CCSER2: variants seen among roughly 807,000 people sequenced by gnomAD.
CCSER2 encodes serine-rich coiled-coil domain-containing protein 2.
A neutral mutation model predicts 92.3 loss-of-function variants in CCSER2; 46 were observed. The observed-to-expected ratio is 0.50, with a 90% CI of 0.39 to 0.64. The LOEUF is 0.64. Among genes scored for constraint, CCSER2 ranks in the 30% least tolerant of loss-of-function variants. The probability of loss-of-function intolerance (pLI) is 0.00; values close to 1 mark genes in which losing one functional copy is unlikely to be tolerated. For synonymous variants in CCSER2, 433 were observed against 431.4 expected (o/e 1.00, Z -0.04); for missense variants, 1,244 against 1,238.9 (o/e 1.00, Z -0.06).
At chr10:84,449,962 A>G (rs1165563572) in intron 6 of CCSER2, among the ~76,000 whole-genome samples, 3 of 152,280 alleles carry the variant, frequency 2.0e-5, no homozygotes, top group South Asian at 2.1e-4. Context: ...TAAGCATAGT[A>G]TGCTGATGTT....
At chr10:84,481,902 A>G (rs1247484569) in intron 9 of CCSER2, among the ~76,000 whole-genome samples, 1 of 152,158 alleles carries the variant, frequency 6.6e-6, no homozygotes, top group African/African-American at 2.4e-5. Context: ...TGTGCTGTCC[A>G]TTGTAGTAGC....
At chr10:84,413,849 T>G (rs1842769015) in intron 3 of CCSER2, among the ~76,000 whole-genome samples, 2 of 152,208 alleles carry the variant, frequency 1.3e-5, no homozygotes, top group Non-Finnish European at 2.9e-5. Context: ...CATATATATT[T>G]AATAAGATAG....
At chr10:84,455,996 A>G in intron 6 of CCSER2, 3 of 555,274 alleles carry the variant, frequency 5.4e-6, no homozygotes, top group South Asian at 4.8e-5. Context: ...CTTTCCTAGT[A>G]GCCTTCTCCA....
At chr10:84,367,241 A>G (rs1845820709) in intron 1 of CCSER2, among the ~76,000 whole-genome samples, 2 of 151,022 alleles carry the variant, frequency 1.3e-5, no homozygotes, top group African/African-American at 4.9e-5. Flanking sequence ...TTTTAGGGAT[A>G]TTTTCTATTA....
At chr10:84,333,866 G>A (rs1044756313) in intron 1 of CCSER2, among the ~76,000 whole-genome samples, 3 of 152,218 alleles carry the variant, frequency 2.0e-5, no homozygotes, top group Non-Finnish European at 4.4e-5. Flanking sequence ...CTTTCACAGC[G>A]TTGACTGTGA....
chr10:84,357,873 G>A (rs990861820), intron 1 of CCSER2, among the ~76,000 whole-genome samples: 10 of 152,226 alleles, frequency 6.6e-5, no homozygotes, highest in Non-Finnish European at 1.3e-4. Context: ...CATAATGGAT[G>A]TTCAGTAAAT....
chr10:84,419,670 A>T (rs1043291774), intron 4 of CCSER2, among the ~76,000 whole-genome samples: 1 of 152,222 alleles, frequency 6.6e-6, no homozygotes, highest in Non-Finnish European at 1.5e-5. Flanking sequence ...GCTCTGGCAA[A>T]CAGCTGAGTT....
At chr10:84,406,565 C>T (rs2133340909) in intron 3 of CCSER2, among the ~76,000 whole-genome samples, 1 of 152,270 alleles carries the variant, frequency 6.6e-6, no homozygotes, top group East Asian at 1.9e-4. Flanking sequence ...TAAACCTGCT[C>T]ATATGTGCTC....
chr10:84,362,134 C>T (rs939308044), intron 1 of CCSER2, among the ~76,000 whole-genome samples: 8 of 152,108 alleles, frequency 5.3e-5, no homozygotes, highest in African/African-American at 1.7e-4. Flanking sequence ...TAATGTTACT[C>T]CTGTTACTGT....
At chr10:84,409,619 C>G (rs554740730) in intron 3 of CCSER2, among the ~76,000 whole-genome samples, 1 of 151,220 alleles carries the variant, frequency 6.6e-6, no homozygotes, top group Non-Finnish European at 1.5e-5. Context: ...TTCTTTAACA[C>G]AGAACTATGT....
At chr10:84,508,532 A>AT (rs1849185527) in intron 9 of CCSER2, among the ~76,000 whole-genome samples, 1 of 152,204 alleles carries the variant, frequency 6.6e-6, no homozygotes, top group Non-Finnish European at 1.5e-5. Context: ...GATCAGCCTG[A>AT]TTGTAAAAGC....
intron 8 of CCSER2, among the ~76,000 whole-genome samples, chr10:84,474,414 A>G (rs1847005497): frequency 6.6e-6 from 1 of 152,182 alleles, no homozygotes; most frequent in Non-Finnish European, 1.5e-5. Context: ...TAATCCCAGC[A>G]CTTTAGGAGG....
At chr10:84,357,218 G>A (rs1490871598) in intron 1 of CCSER2, among the ~76,000 whole-genome samples, 1 of 149,200 alleles carries the variant, frequency 6.7e-6, no homozygotes, top group African/African-American at 2.5e-5. Flanking sequence ...GAAGGGTGAG[G>A]GGTAGTGCAT....
At chr10:84,421,169 T>G (rs1843130804) in intron 4 of CCSER2, among the ~76,000 whole-genome samples, 1 of 152,200 alleles carries the variant, frequency 6.6e-6, no homozygotes, top group African/African-American at 2.4e-5. Context: ...AGTTAATCTT[T>G]CCCTATTAAA....
At chr10:84,495,623 T>C (rs1472718821) in intron 9 of CCSER2, among the ~76,000 whole-genome samples, 1 of 152,216 alleles carries the variant, frequency 6.6e-6, no homozygotes, top group Non-Finnish European at 1.5e-5. Flanking sequence ...TCAGCTACTA[T>C]ACGTTTCTGC....
At chr10:84,364,742 TTTTG>T (rs1220087868) in intron 1 of CCSER2, among the ~76,000 whole-genome samples, 1 of 144,346 alleles carries the variant, frequency 6.9e-6, no homozygotes, top group African/African-American at 2.5e-5. Context: ...TTGAATTTTT[TTTTG>T]TTTTTTTTTT....
chr10:84,398,068 A>C (rs1331430015), intron 3 of CCSER2, among the ~76,000 whole-genome samples: 1 of 152,210 alleles, frequency 6.6e-6, no homozygotes, highest in African/African-American at 2.4e-5. Context: ...TCTAGCTTAC[A>C]AGTCAGACAC....
At chr10:84,380,721 T>C (rs1294038840) in intron 3 of CCSER2, among the ~76,000 whole-genome samples, 2 of 144,536 alleles carry the variant, frequency 1.4e-5, no homozygotes, top group Non-Finnish European at 3.0e-5. Context: ...TGAGACAGAG[T>C]GTAGCTGTGT....
intron 3 of CCSER2, among the ~76,000 whole-genome samples, chr10:84,387,435 C>T (rs766160518): frequency 6.6e-5 from 10 of 152,292 alleles, no homozygotes; most frequent in South Asian, 2.1e-4. Context: ...TTTCTTCGTA[C>T]GTCTAATCAT....
Sources: gnomAD v4.1 joint callset for allele counts (sites outside exome capture counted in the v4.1 genomes callset) on GRCh38, gnomAD v4.1.1 for gene constraint, MANE v1.5 for transcripts, NCBI Gene and HGNC (gene_info 2026-07-23, HGNC 2026-07-21) for gene names.